The following RBBP6 variants were observed in gnomAD, a reference collection of about 807,000 sequenced individuals.
The protein encoded by RBBP6 is E3 ubiquitin-protein ligase RBBP6.
In RBBP6, 25 loss-of-function variants were observed where a neutral mutation model predicts 167.7. The observed-to-expected ratio is 0.15, with a 90% CI of 0.11 to 0.21. The LOEUF is 0.21. Among genes scored for constraint, RBBP6 ranks in the 10% least tolerant of loss-of-function variants. RBBP6 has a pLI of 1.00. For synonymous variants in RBBP6, 789 were observed against 735.8 expected, an observed-to-expected ratio of 1.07 and a Z score of -1.17; for missense variants, 1,868 against 2,134.2, an observed-to-expected ratio of 0.88 and a Z score of 2.46.
At chr16:24,560,111 G>GTT (rs1555472777) in intron 8 of RBBP6, among the ~76,000 whole-genome samples, 98 of 74,010 alleles carry the variant, frequency 1.3e-3, no homozygotes, top group East Asian at 1.5e-3. Context: ...GACAGTTTTT[G>GTT]TTTTTTTTTT....
chr16:24,569,052 C>G lies in RBBP6; in HGVS notation c.2362C>G (p.Gln788Glu). The G allele has an allele frequency of 1.2e-6, 2 of 1,614,050 alleles. No homozygotes were observed. The highest frequency in any genetic ancestry group is 8.5e-7 in the Non-Finnish European group (1 of 1,179,988). Residue 788 changes from glutamine (Q) to glutamate (E), a missense_variant, in exon 17 of 18, where the codon CAA becomes GAA. Gln to Glu is a conservative substitution (Grantham distance 29). Coordinates refer to ENST00000319715, the MANE Select transcript of RBBP6 (RefSeq NM_006910.5). ...GTCTCCTAATAAACGTAATGTACCTCAAGGGGAAACAGAACGTGAATATTT... is the reference window on the plus strand; with the variant it reads ...GTCTCCTAATAAACGTAATGTACCTGAAGGGGAAACAGAACGTGAATATTT... ...GQSPNKRNVP[Q>E]GETEREYFNR...
chr16:24,556,279 C>T (rs754752957), intron 6 of RBBP6, 29 bp from the exon 7 acceptor site: 20 of 1,505,832 alleles, frequency 1.3e-5, no homozygotes, highest in Admixed American at 1.8e-5. Flanking sequence ...TTTTCTCTTC[C>T]TCCTCCTCTT....
At chr16:24,567,576 G>A in intron 15 of RBBP6, 71 bp downstream of exon 15, 10 of 1,485,544 alleles carry the variant, frequency 6.7e-6, no homozygotes, top group Non-Finnish European at 9.0e-6. Flanking sequence ...TAGGTGTCTG[G>A]AAACGTTTTC....
rs921235802 is a variant in RBBP6 at position 24,540,341 on chromosome 16, A to G, written c.-286A>G. The G allele has an allele frequency of 9.0e-5, 27 of 299,228 alleles. No homozygotes were observed. The highest frequency in any genetic ancestry group is 1.4e-4 in the Non-Finnish European group (22 of 158,444). The allele number at this position is 299,228 out of a possible 1,614,324, so 18.5% of individuals were successfully genotyped here. A position where few individuals can be genotyped will look rare whatever the true frequency, so the allele number is the denominator to read the frequency against. On this transcript the variant is annotated 5_prime_UTR_variant, in exon 1 of 18. Transcript: ENST00000319715. Reference sequence around the variant, plus strand: ...CGGCCCCTTAGCATGAGCGAGGGGGACCCAGCCGGGTGACATTGTGCCCGT... The same window carrying G: ...CGGCCCCTTAGCATGAGCGAGGGGGGCCCAGCCGGGTGACATTGTGCCCGT...
At position 24,569,752 on chromosome 16, in the gene RBBP6, G is replaced by A. The variant is rs756879107; in HGVS notation, c.3062G>A (p.Arg1021Gln). 1.7e-5 allele frequency: 27 copies of A among 1,613,860 alleles called. No individual in the cohort carries two copies. Among genetic ancestry groups the A allele is most frequent in the East Asian group, 4.5e-5 (2 of 44,866 alleles). The change falls in exon 17 of 18, where the codon CGG (arginine) becomes CAG (glutamine). Residue 1021 changes from arginine to glutamine, a missense_variant. Physicochemically the swap from Arg to Gln is conservative, Grantham distance 43. Transcript: ENST00000319715. ...AAAGCAAAGGGTGATAAAACCAAAC[G>A]GAAGAATGATGGATCTGCTGTGTCC... ...KPKAKGDKTK[R>Q]KNDGSAVSKK...
At chr16:24,561,152 A>G (rs1156399054) in intron 8 of RBBP6, among the ~76,000 whole-genome samples, 2 of 152,154 alleles carry the variant, frequency 1.3e-5, no homozygotes, top group Non-Finnish European at 2.9e-5. Context: ...TTTCTAGACT[A>G]TCTTATATTT....
chr16:24,558,109 G>A (rs546425879), intron 7 of RBBP6, among the ~76,000 whole-genome samples: 2 of 152,242 alleles, frequency 1.3e-5, no homozygotes, highest in South Asian at 2.1e-4. Flanking sequence ...ACAATTAAGA[G>A]CAGACCGCTT....
At chr16:24,554,242 G>C (rs1898864683) in intron 4 of RBBP6, 1 of 151,776 alleles carries the variant, frequency 6.6e-6, no homozygotes, top group Non-Finnish European at 1.5e-5. Flanking sequence ...TCTTCTGTTT[G>C]GGAAAGCACT....
intron 8 of RBBP6, among the ~76,000 whole-genome samples, chr16:24,560,086 C>T (rs1416768978): frequency 6.7e-6 from 1 of 150,060 alleles, no homozygotes; most frequent in Non-Finnish European, 1.5e-5. Flanking sequence ...AGTGTATTAA[C>T]ACCTGATTCC....
intron 8 of RBBP6, among the ~76,000 whole-genome samples, chr16:24,560,711 TAAG>T (rs1335233996): frequency 6.6e-6 from 1 of 151,880 alleles, no homozygotes; most frequent in African/African-American, 2.4e-5. Flanking sequence ...GATTTTAAAA[TAAG>T]AGTATAACAA....
chr16:24,565,484 T>C (rs936173140), intron 14 of RBBP6, among the ~76,000 whole-genome samples: 2 of 152,218 alleles, frequency 1.3e-5, no homozygotes, highest in African/African-American at 4.8e-5. Flanking sequence ...GAACAGCAGC[T>C]GAGCGAGCAT....
At chr16:24,568,203 C>G (rs1030162386) in intron 16 of RBBP6, among the ~76,000 whole-genome samples, 4 of 152,172 alleles carry the variant, frequency 2.6e-5, no homozygotes, top group Non-Finnish European at 5.9e-5. Flanking sequence ...AAACAGTTCC[C>G]AGGACCCTTT....
At chr16:24,541,106 G>C (rs932413933) in intron 1 of RBBP6, among the ~76,000 whole-genome samples, 2 of 146,656 alleles carry the variant, frequency 1.4e-5, no homozygotes, top group Non-Finnish European at 3.0e-5. Context: ...TTGAGTGCTT[G>C]TCTTAGGGCG....
In RBBP6 at chr16:24,561,804, A is replaced by G. The variant is rs375169849; in HGVS notation, c.952-20A>G. The G allele has an allele frequency of 1.2e-6, 2 of 1,607,110 alleles. No homozygotes were observed. Among genetic ancestry groups the G allele is most frequent in the East Asian group, 2.2e-5 (1 of 44,810 alleles). On this transcript the variant is annotated intron_variant, in intron 9 of 17. Transcript: ENST00000319715. ...ATACTGCATAACATTTTTCTGCATT[A>G]TTATGCTTGGTATCTGTAGGCTGTA... is the stretch of plus-strand genomic sequence containing the variant.
chr16:24,553,282 C>T (rs1898841190), intron 3 of RBBP6: 3 of 420,490 alleles, frequency 7.1e-6, no homozygotes, highest in Non-Finnish European at 1.3e-5. Flanking sequence ...TACATTTTTT[C>T]ATTTTAATTG....
chr16:24,564,795 A>C lies in RBBP6; in HGVS notation c.1521-2A>C, dbSNP rs1899153924. 6.2e-7 allele frequency: 1 copy of C among 1,612,314 alleles called. No individual in the cohort carries two copies. The highest frequency in any genetic ancestry group is 8.5e-7 in the Non-Finnish European group (1 of 1,178,960). On this transcript the variant is annotated splice_acceptor_variant, in intron 13 of 17. Transcript: ENST00000319715. LOFTEE classifies it high-confidence loss of function. ...GAGCCTATTTTTTTTTCTCCCACAC[A>C]GTTCCAACAAACTTGGCTATCTGGT...
chr16:24,546,381 C>T (rs1349850362), intron 2 of RBBP6, 119 bp downstream of exon 2: 6 of 1,174,080 alleles, frequency 5.1e-6, no homozygotes, highest in Non-Finnish European at 5.5e-6. Context: ...AATACATCTT[C>T]TCAAGACTGT....
chr16:24,539,793 G>A lies in RBBP6; in HGVS notation c.-834G>A, dbSNP rs1393737336. The A allele has an allele frequency of 6.6e-6, 1 of 152,242 alleles. No individual in the cohort carries two copies. The highest frequency in any genetic ancestry group is 6.5e-5 in the Admixed American group (1 of 15,288). The allele number at this position is 152,242 out of a possible 1,614,324, so 9.4% of individuals were successfully genotyped here. ...AGCGCGGAGGATCCGGCGAGAAGAA[G>A]CGTCAGGGAGCCTCGGCGGTGTCCC... is the stretch of plus-strand genomic sequence containing the variant. On this transcript the variant is annotated 5_prime_UTR_variant, in exon 1 of 18. Transcript: ENST00000319715.
Position 24,563,627 on chromosome 16 carries a change from A to G in RBBP6, c.1483A>G (p.Thr495Ala). 6.2e-7 allele frequency: 1 copy of G among 1,612,374 alleles called. No homozygotes were observed. The highest frequency in any genetic ancestry group is 8.5e-7 in the Non-Finnish European group (1 of 1,179,712). The stretch of plus-strand genomic sequence containing the variant: ...GTTTCTAGGTCCAGTAAGAATAAAT[A>G]CTGCTCGTCCAGGTGGTGGTCGACC... The part of the protein sequence containing the change: ...IPTTGPVRIN[T>A]ARPGGGRPGW... Residue 495 changes from threonine (T) to alanine (A), a missense_variant, in exon 13 of 18, where the codon ACT (threonine) becomes GCT (alanine). Coordinates refer to ENST00000319715, the MANE Select transcript of RBBP6 (RefSeq NM_006910.5).
Sources: gnomAD v4.1 joint callset for allele counts (sites outside exome capture counted in the v4.1 genomes callset) on GRCh38, gnomAD v4.1.1 for gene constraint, MANE v1.5 for transcripts, NCBI Gene and HGNC (gene_info 2026-07-23, HGNC 2026-07-21) for gene names.